The following TBCE variants were observed in gnomAD, a reference collection of about 807,000 sequenced individuals.
TBCE encodes tubulin-specific chaperone E.
TBCE carries 53 observed loss-of-function variants against 77.0 expected under a neutral mutation model. The ratio of observed to expected loss-of-function variants is 0.69; its 90% confidence interval spans 0.55 to 0.87. The LOEUF is 0.87. TBCE is among the 40% of genes least tolerant of loss of function. TBCE has a pLI of 0.00. For synonymous variants in TBCE, 235 were observed against 241.3 expected, an observed-to-expected ratio of 0.97 and a Z score of 0.24; for missense variants, 624 against 622.4, an observed-to-expected ratio of 1.00 and a Z score of -0.03.
intron 3 of TBCE, among the ~76,000 whole-genome samples, chr1:235,406,829 CTTTT>C (rs141351182): frequency 1.1e-4 from 8 of 76,166 alleles, no homozygotes; most frequent in Non-Finnish European, 7.2e-5. Context: ...TGCTCCTGGG[CTTTT>C]TTTTTTTTTT....
At position 235,450,049 on chromosome 1, in the gene TBCE, C is replaced by T. The variant is rs541273883; in HGVS notation, c.*1287C>T. 1.8e-5 allele frequency: 15 copies of T among 835,548 alleles called. No homozygotes were observed. The highest frequency in any genetic ancestry group is 2.2e-5 in the Non-Finnish European group (12 of 555,922). The allele number at this position is 835,548 out of a possible 1,614,324, so 51.8% of individuals were successfully genotyped here. A position where few individuals can be genotyped will look rare whatever the true frequency, so the allele number is the denominator to read the frequency against. On this transcript the variant is annotated 3_prime_UTR_variant, in exon 17 of 17. Transcript: ENST00000642610. ...TGATTTTTAAGGAAATTTGTGCAAA[C>T]ATTAAGAAACACCGCATTGGTTCTG... is the stretch of plus-strand genomic sequence containing the variant.
In TBCE at chr1:235,436,456, T is replaced by C. The variant is rs759799813; in HGVS notation, c.898+6T>C. 3.0e-5 allele frequency: 48 copies of C among 1,613,708 alleles called. No individual in the cohort carries two copies. The highest frequency in any genetic ancestry group is 3.8e-5 in the Non-Finnish European group (45 of 1,179,610). On this transcript the variant is annotated splice_donor_region_variant and intron_variant, in intron 10 of 16. Coordinates refer to ENST00000642610, the MANE Select transcript of TBCE (RefSeq NM_003193.5). The stretch of plus-strand genomic sequence containing the variant: ...TTTTCCGGATGCTGGAATTGGTATA[T>C]AAGATTAGTAAAGTTCCCCACTGCC...
chr1:235,406,479 G>C (rs1246232694), intron 3 of TBCE, among the ~76,000 whole-genome samples: 1 of 152,240 alleles, frequency 6.6e-6, no homozygotes, highest in Non-Finnish European at 1.5e-5. Context: ...CATCCGCACA[G>C]ACTAGATCGT....
intron 5 of TBCE, among the ~76,000 whole-genome samples, chr1:235,422,238 A>G (rs111670180): frequency 2.7e-4 from 41 of 152,336 alleles, no homozygotes; most frequent in African/African-American, 9.9e-4. Context: ...CGGGCTGTGT[A>G]CAGTGGCTCA....
Position 235,448,413 on chromosome 1 carries a change from C to A in TBCE, c.1464C>A (p.Asp488Glu), listed in dbSNP as rs1227321643. ...LSRLLKVPVS[D>E]LLLSYESPKK... ...GTCTTCTCAAAGTTCCTGTGTCAGA[C>A]CTTCTGTTGTCCTATGAAAGTCCCA... The change falls in exon 16 of 17, where the codon GAC (aspartate) becomes GAA (glutamate). Residue 488 changes from aspartate (D) to glutamate (E), a missense_variant. By Grantham distance (45) the Asp-to-Glu change is conservative. Coordinates refer to ENST00000642610, the MANE Select transcript of TBCE (RefSeq NM_003193.5). 6 of 1,614,020 alleles carry A rather than the reference C, an allele frequency of 3.7e-6. No individual in the cohort carries two copies. Among genetic ancestry groups the A allele is most frequent in the Non-Finnish European group, 5.1e-6 (6 of 1,179,976 alleles).
chr1:235,437,409 G>A lies in TBCE; in HGVS notation c.1051G>A (p.Ala351Thr). The change falls in exon 12 of 17, where the codon GCA becomes ACA. Residue 351 changes from alanine (A) to threonine (T), a missense_variant. Ala to Thr is a moderately conservative substitution (Grantham distance 58, BLOSUM62 0). Transcript: ENST00000642610. ...CCCCCTGACCAAAGAGGACAAAGAAGCAGAGACGGCGCGACTACTCATTAT... is the reference window on the plus strand; with the variant it reads ...CCCCCTGACCAAAGAGGACAAAGAAACAGAGACGGCGCGACTACTCATTAT... ...RNPLTKEDKE[A>T]ETARLLIIAS... 3 of 1,614,182 alleles carry A rather than the reference G, an allele frequency of 1.9e-6. No homozygotes were observed. The highest frequency in any genetic ancestry group is 2.5e-6 in the Non-Finnish European group (3 of 1,180,036).
chr1:235,411,569 G>A (rs1344598737), intron 3 of TBCE, among the ~76,000 whole-genome samples: 2 of 152,090 alleles, frequency 1.3e-5, no homozygotes, highest in African/African-American at 4.8e-5. Flanking sequence ...AATCCATAGA[G>A]TAAAGTGAAA....
chr1:235,411,101 G>C (rs535574272), intron 3 of TBCE, among the ~76,000 whole-genome samples: 4 of 152,204 alleles, frequency 2.6e-5, no homozygotes, highest in African/African-American at 9.6e-5. Flanking sequence ...CTAATAAGGA[G>C]TCACTAGCCA....
chr1:235,387,781 G>T (rs1678118432), intron 2 of TBCE, among the ~76,000 whole-genome samples: 1 of 152,114 alleles, frequency 6.6e-6, no homozygotes, highest in Admixed American at 6.6e-5. Flanking sequence ...ACAGGAAATG[G>T]TCTCAATCCA....
chr1:235,448,244 A>AGATACAGCTATCATT, intron 15 of TBCE, 105 bp from the exon 16 acceptor site: 3 of 811,692 alleles, frequency 3.7e-6, no homozygotes, highest in Non-Finnish European at 4.2e-6. Flanking sequence ...AAAAAAAGAC[A>AGATACAGCTATCATT]GATACAGCTA....
intron 4 of TBCE, among the ~76,000 whole-genome samples, chr1:235,417,515 G>C (rs148434039): frequency 1.0e-3 from 152 of 152,288 alleles, no homozygotes; most frequent in Non-Finnish European, 1.8e-3. Context: ...AATTGGTGGC[G>C]TCCAGTCTGA....
At chr1:235,430,287 C>T (rs1221521081) in intron 6 of TBCE, 1 of 164,994 alleles carries the variant, frequency 6.1e-6, no homozygotes, top group East Asian at 1.7e-4. Flanking sequence ...AGCCAAAGGG[C>T]AGACTCTATG....
chr1:235,391,293 G>T (rs1678368862), intron 2 of TBCE, among the ~76,000 whole-genome samples: 1 of 151,832 alleles, frequency 6.6e-6, no homozygotes, highest in Admixed American at 6.6e-5. Context: ...ACCAGCCTGG[G>T]CAACATGGCG....
At chr1:235,376,114 A>C (rs996021019) in intron 1 of TBCE, among the ~76,000 whole-genome samples, 1 of 152,070 alleles carries the variant, frequency 6.6e-6, no homozygotes, top group African/African-American at 2.4e-5. Context: ...CCTTATACCT[A>C]ATGATCTCAT....
chr1:235,450,229 G>C lies in TBCE; in HGVS notation c.*1467G>C. 1 of 1,614,064 alleles carries C rather than the reference G, an allele frequency of 6.2e-7. No homozygotes were observed. Among genetic ancestry groups the C allele is most frequent in the Non-Finnish European group, 8.5e-7 (1 of 1,180,012 alleles). On this transcript the variant is annotated 3_prime_UTR_variant, in exon 17 of 17. Coordinates refer to ENST00000642610, the MANE Select transcript of TBCE (RefSeq NM_003193.5). ...TGTTATCTTGCTTGACATCGACAAG[G>C]ATCACCGCACCGTTCCTTCAGTTTC...
chr1:235,442,172 CTAAT>C (rs1209650493), intron 14 of TBCE, among the ~76,000 whole-genome samples: 2 of 151,824 alleles, frequency 1.3e-5, no homozygotes. Context: ...CCATGCCCGG[CTAAT>C]TTTTTTTAAT....
chr1:235,435,443 T>G (rs1681384170), intron 8 of TBCE, among the ~76,000 whole-genome samples: 2 of 152,206 alleles, frequency 1.3e-5, no homozygotes, highest in Admixed American at 6.5e-5. Flanking sequence ...GAGATAATCA[T>G]ATATTCACAT....
intron 2 of TBCE, among the ~76,000 whole-genome samples, chr1:235,398,644 G>A (rs1362175276): frequency 6.9e-6 from 1 of 144,524 alleles, no homozygotes; most frequent in African/African-American, 2.5e-5. Flanking sequence ...TTTGAGACAA[G>A]GTCTTACTCC....
At chr1:235,410,100 A>T (rs1679698006) in intron 3 of TBCE, among the ~76,000 whole-genome samples, 1 of 150,362 alleles carries the variant, frequency 6.7e-6, no homozygotes, top group Non-Finnish European at 1.5e-5. Flanking sequence ...CTGTAATCCC[A>T]GCTACTCAGG....
Sources: allele counts gnomAD v4.1 joint callset (sites outside exome capture counted in the v4.1 genomes callset), GRCh38; gene constraint gnomAD v4.1.1; transcripts MANE v1.5; gene names NCBI Gene and HGNC (gene_info 2026-07-23, HGNC 2026-07-21).